The following AMOTL1 variants were observed in gnomAD, a reference collection of about 807,000 sequenced individuals.
AMOTL1 encodes the protein angiomotin-like protein 1.
Under a neutral mutation model 102.9 loss-of-function variants are expected in AMOTL1, and 45 were observed. That is an observed-to-expected ratio of 0.44 (90% confidence interval 0.34 to 0.56). The LOEUF is 0.56. AMOTL1 is among the 20% of genes least tolerant of loss of function. The pLI is 0.01. For missense variants in AMOTL1, 1,114 were observed against 1,225.6 expected (o/e 0.91, Z 1.36); for synonymous variants, 481 against 484.7 (o/e 0.99, Z 0.10).
intron 9 of AMOTL1, among the ~76,000 whole-genome samples, chr11:94,860,056 G>C (rs1350926698): frequency 1.3e-5 from 2 of 152,092 alleles, no homozygotes; most frequent in African/African-American, 4.8e-5. Context: ...ACAAGAGGAG[G>C]TTCATTTAAT....
At chr11:94,841,499 G>A (rs1952302068) in intron 6 of AMOTL1, among the ~76,000 whole-genome samples, 1 of 152,176 alleles carries the variant, frequency 6.6e-6, no homozygotes, top group South Asian at 2.1e-4. Flanking sequence ...CTTTTCTTCA[G>A]TGGTGGTTAC....
At chr11:94,804,839 T>C (rs758884254) in intron 3 of AMOTL1, among the ~76,000 whole-genome samples, 1 of 152,194 alleles carries the variant, frequency 6.6e-6, no homozygotes, top group Non-Finnish European at 1.5e-5. Context: ...GGAGTAGTTG[T>C]GGTGGTGGTA....
At chr11:94,833,861 G>A (rs1319344601) in intron 6 of AMOTL1, among the ~76,000 whole-genome samples, 1 of 152,182 alleles carries the variant, frequency 6.6e-6, no homozygotes, top group Non-Finnish European at 1.5e-5. Context: ...ATGGCAGTGA[G>A]AAAAAGGGAT....
At chr11:94,742,357 C>T (rs1278248932) in intron 3 of AMOTL1, among the ~76,000 whole-genome samples, 2 of 152,216 alleles carry the variant, frequency 1.3e-5, no homozygotes, top group Admixed American at 6.5e-5. Context: ...CTCCACAGTG[C>T]GACGAAGCCA....
At chr11:94,792,383 G>A (rs1411327079) in intron 1 of AMOTL1, among the ~76,000 whole-genome samples, 1 of 152,308 alleles carries the variant, frequency 6.6e-6, no homozygotes, top group East Asian at 1.9e-4. Context: ...CGAGTTAATG[G>A]TTGCAGCACA....
rs59595558 is a variant in AMOTL1, at chr11:94,821,934, C to T, written c.1413+113C>T. On this transcript the variant is annotated intron_variant, in intron 4 of 12. Transcript: ENST00000433060. ...CAGTAGACCCCTTTTTATACTAGGCCCTGTGCAAGGCTTTAGGGAGATGAA... is the reference window on the plus strand; with the variant it reads ...CAGTAGACCCCTTTTTATACTAGGCTCTGTGCAAGGCTTTAGGGAGATGAA... 2,461 of 1,360,870 alleles carry T rather than the reference C, an allele frequency of 1.8e-3. 37 individuals carry two copies. In the African/African-American group the frequency reaches 0.031, roughly 17 times the overall value. 84.3% of individuals were successfully genotyped at this position (1,360,870 alleles called of 1,614,324 possible). A position where few individuals can be genotyped will look rare whatever the true frequency, so the allele number is the denominator to read the frequency against.
intron 1 of AMOTL1, among the ~76,000 whole-genome samples, chr11:94,772,691 G>A (rs1950971811): frequency 6.6e-6 from 1 of 152,136 alleles, no homozygotes; most frequent in Admixed American, 6.5e-5. Flanking sequence ...AGGTGTTTGT[G>A]TGAACATAAG....
At chr11:94,783,236 A>T (rs942368017) in intron 1 of AMOTL1, among the ~76,000 whole-genome samples, 1 of 152,182 alleles carries the variant, frequency 6.6e-6, no homozygotes, top group African/African-American at 2.4e-5. Flanking sequence ...AACAATGGGG[A>T]TAATCATCAT....
intron 5 of AMOTL1, among the ~76,000 whole-genome samples, chr11:94,830,461 C>T (rs1044304591): frequency 1.3e-5 from 2 of 152,216 alleles, no homozygotes; most frequent in African/African-American, 2.4e-5. Flanking sequence ...ATTCTGTTTG[C>T]GGCTCCTTCT....
chr11:94,724,585 G>T (rs897981552), intron 1 of AMOTL1, among the ~76,000 whole-genome samples: 26 of 152,088 alleles, frequency 1.7e-4, no homozygotes, highest in Admixed American at 1.6e-3. Context: ...CCCTGTGCAT[G>T]CATCTATGCT....
At chr11:94,827,176 C>T (rs1358193339) in intron 4 of AMOTL1, among the ~76,000 whole-genome samples, 1 of 152,148 alleles carries the variant, frequency 6.6e-6, no homozygotes, top group East Asian at 1.9e-4. Context: ...CGAATCAGAG[C>T]CGCACAGTGC....
In AMOTL1 at chr11:94,869,334, C is replaced by T. The variant is rs758569365; in HGVS notation, c.2625C>T (p.Ser875=). 12 of 1,612,330 alleles carry T rather than the reference C, an allele frequency of 7.4e-6. No homozygotes were observed. The East Asian group carries it at 2.7e-4, about 36-fold the overall frequency. ...ACGCCAAGACAGGCAGCAAGGACAG[C>T]AGCACACAGACTGACAAGAGTGCCG... ...SAHAKTGSKD[S]STQTDKSAEL... Residue 875 remains serine, a synonymous_variant, in exon 12 of 13, where the codon AGC becomes AGT. Transcript: ENST00000433060.
At chr11:94,762,564 T>G (rs1950806749) in intron 3 of AMOTL1, among the ~76,000 whole-genome samples, 1 of 152,226 alleles carries the variant, frequency 6.6e-6, no homozygotes, top group South Asian at 2.1e-4. Context: ...TTATGAGTTT[T>G]CAGTACTCCC....
chr11:94,740,032 C>T (rs912225324), intron 2 of AMOTL1, among the ~76,000 whole-genome samples: 4 of 152,282 alleles, frequency 2.6e-5, no homozygotes, highest in African/African-American at 9.6e-5. Context: ...ATACCCCTAC[C>T]ATAATGATGT....
At chr11:94,788,218 G>T (rs1279639846) in intron 1 of AMOTL1, among the ~76,000 whole-genome samples, 1 of 152,136 alleles carries the variant, frequency 6.6e-6, no homozygotes, top group Non-Finnish European at 1.5e-5. Flanking sequence ...TTACTTAGGT[G>T]ACTATCAGGA....
At chr11:94,806,510 C>A (rs978059192) in intron 3 of AMOTL1, among the ~76,000 whole-genome samples, 1 of 152,110 alleles carries the variant, frequency 6.6e-6, no homozygotes, top group East Asian at 1.9e-4. Flanking sequence ...GATGCATTGC[C>A]CTTAACGAAA....
rs1951429802 is a variant in AMOTL1, at chr11:94,799,528, C to T, written c.338C>T (p.Thr113Ile). 1.2e-6 allele frequency: 2 copies of T among 1,613,734 alleles called. No individual in the cohort carries two copies. Among genetic ancestry groups the T allele is most frequent in the Non-Finnish European group, 1.7e-6 (2 of 1,179,794 alleles). ...IQEQLRYGTP[T>I]ENMNLLAIQH... ...GAACAACTGCGGTATGGCACCCCAA[C>T]CGAGAACATGAACTTGCTGGCCATT... The change falls in exon 3 of 13, where the codon ACC becomes ATC. Residue 113 changes from threonine (T) to isoleucine (I), a missense_variant. Physicochemically the swap from Thr to Ile is moderately conservative, Grantham distance 89 (BLOSUM62 -1). Coordinates refer to ENST00000433060, the MANE Select transcript of AMOTL1 (RefSeq NM_130847.3). This position sits in a 1 kb window ranked among gnomAD's most constrained non-coding sequence, Gnocchi z 4.5.
chr11:94,857,336 C>T (rs1221354470), intron 8 of AMOTL1, among the ~76,000 whole-genome samples: 3 of 152,182 alleles, frequency 2.0e-5, no homozygotes, highest in Non-Finnish European at 2.9e-5. Context: ...GTACCCTCTC[C>T]CAAATTCCAC....
chr11:94,790,282 A>G (rs749330486), intron 1 of AMOTL1, among the ~76,000 whole-genome samples: 1 of 152,214 alleles, frequency 6.6e-6, no homozygotes, highest in Non-Finnish European at 1.5e-5. Context: ...GCCTGTCTTC[A>G]AAGGGTAATG....
Sources: allele counts gnomAD v4.1 joint callset (sites outside exome capture counted in the v4.1 genomes callset), GRCh38; gene constraint gnomAD v4.1.1; non-coding constraint Gnocchi (gnomAD v3.1); transcripts MANE v1.5; gene names NCBI Gene and HGNC (gene_info 2026-07-23, HGNC 2026-07-21).